Variants in NRXN2 observed in about 807,000 individuals in gnomAD.
NRXN2 encodes the protein neurexin-2-beta.
In NRXN2, 29 loss-of-function variants were observed where a neutral mutation model predicts 128.8. The ratio of observed to expected loss-of-function variants is 0.23; its 90% CI spans 0.17 to 0.31. NRXN2 has a LOEUF of 0.31. Ranked by LOEUF, NRXN2 falls within the 10% of genes least tolerant of loss-of-function variation. The pLI, the probability that NRXN2 is intolerant of heterozygous loss-of-function variation, is 1.00. For missense variants in NRXN2, 1,881 were observed against 2,452.6 expected, an observed-to-expected ratio of 0.77 and a Z score of 4.92; for synonymous variants, 1,098 against 1,075.2, an observed-to-expected ratio of 1.02 and a Z score of -0.41.
intron 19 of NRXN2, among the ~76,000 whole-genome samples, chr11:64,629,692 G>C (rs953465121): frequency 2.6e-5 from 4 of 152,184 alleles, no homozygotes; most frequent in Non-Finnish European, 4.4e-5. Flanking sequence ...TGCAAGCAGG[G>C]ACTGAGTGCC....
intron 6 of NRXN2, among the ~76,000 whole-genome samples, chr11:64,680,287 C>A (rs1592065592): frequency 6.6e-6 from 1 of 152,160 alleles, no homozygotes; most frequent in African/African-American, 2.4e-5. Flanking sequence ...GGGGTGAAGA[C>A]AATCTGTGGA....
At chr11:64,677,501 C>T (rs1005378195) in intron 6 of NRXN2, among the ~76,000 whole-genome samples, 2 of 152,166 alleles carry the variant, frequency 1.3e-5, no homozygotes, top group African/African-American at 4.8e-5. Context: ...AAGGTTAGTT[C>T]GGTTTTTCAC....
intron 22 of NRXN2, among the ~76,000 whole-genome samples, chr11:64,618,698 G>T (rs1176151399): frequency 6.6e-6 from 1 of 152,148 alleles, no homozygotes; most frequent in Non-Finnish European, 1.5e-5. Flanking sequence ...ATCGCCCCAG[G>T]GGAAGAAGTA....
intron 22 of NRXN2, among the ~76,000 whole-genome samples, chr11:64,613,327 T>C (rs2040965594): frequency 1.3e-5 from 2 of 152,234 alleles, no homozygotes; most frequent in Admixed American, 6.5e-5. Flanking sequence ...CACATGTCCA[T>C]ATGTGAACAT....
At chr11:64,678,865 A>C (rs1486760765) in intron 6 of NRXN2, among the ~76,000 whole-genome samples, 1 of 152,206 alleles carries the variant, frequency 6.6e-6, no homozygotes, top group Non-Finnish European at 1.5e-5. Context: ...ACCAGTGGGC[A>C]CAGGACTAAT....
intron 7 of NRXN2, among the ~76,000 whole-genome samples, chr11:64,673,233 G>C (rs551441664): frequency 6.6e-6 from 1 of 152,186 alleles, no homozygotes; most frequent in Non-Finnish European, 1.5e-5. Context: ...AAGAGTCCCA[G>C]TGTGTGTACA....
intron 7 of NRXN2, among the ~76,000 whole-genome samples, chr11:64,670,394 C>T (rs1375642111): frequency 3.3e-5 from 5 of 152,022 alleles, no homozygotes; most frequent in African/African-American, 7.3e-5. Flanking sequence ...AACATGCAAA[C>T]GAGATTAGAC....
At position 64,661,040 on chromosome 11, in the gene NRXN2, T is replaced by G; in HGVS notation, c.1898A>C (p.Glu633Ala). Residue 633 changes from glutamate to alanine, a missense_variant, in exon 10 of 23, where the codon GAG becomes GCG. Transcript: ENST00000265459. Reference sequence around the variant, plus strand: ...CAGGGGCAGGTCCACCCGGCCCCCCTCAGGGAGACCGCCCAGGTACAGCTC... The same window carrying G: ...CAGGGGCAGGTCCACCCGGCCCCCCGCAGGGAGACCGCCCAGGTACAGCTC... ...ESELYLGGLPEGGRVDLPLPP... is the reference protein window; with the variant it reads ...ESELYLGGLPAGGRVDLPLPP... 6.2e-7 allele frequency: 1 copy of G among 1,613,404 alleles called. No individual in the cohort carries two copies. The highest frequency in any genetic ancestry group is 8.5e-7 in the Non-Finnish European group (1 of 1,179,982).
chr11:64,699,048 T>C (rs1190230954), intron 2 of NRXN2, among the ~76,000 whole-genome samples: 1 of 152,188 alleles, frequency 6.6e-6, no homozygotes, highest in African/African-American at 2.4e-5. Context: ...CATTATCTCC[T>C]CCTACCTCCA....
chr11:64,712,033 C>T (rs2056950078), intron 2 of NRXN2, among the ~76,000 whole-genome samples: 1 of 152,212 alleles, frequency 6.6e-6, no homozygotes, highest in Admixed American at 6.5e-5. Context: ...CCGCACTTCC[C>T]GCCCTTGGCT....
At position 64,607,621 on chromosome 11, in the gene NRXN2, G is replaced by A; in HGVS notation, c.4714C>T (p.Gln1572Ter). 6.5e-7 allele frequency: 1 copy of A among 1,536,642 alleles called. No individual in the cohort carries two copies. Among genetic ancestry groups the A allele is most frequent in the Non-Finnish European group, 8.7e-7 (1 of 1,143,752 alleles). Reference protein sequence around the residue: ...AGKMNHRDPLQPLLENPPLGP... With the variant: ...AGKMNHRDPL Reference sequence around the variant, plus strand: ...AAGGGCGGGTTCTCCAGCAAGGGCTGAAGCGGGTCTCGGTGGTTCATTTTG... The same window carrying A: ...AAGGGCGGGTTCTCCAGCAAGGGCTAAAGCGGGTCTCGGTGGTTCATTTTG... The change falls in exon 23 of 23, where the codon CAG becomes TAG. Residue 1572 changes from glutamine (Q) to a stop codon, truncating the protein, a stop_gained. Transcript: ENST00000265459. LOFTEE classifies it high-confidence loss of function.
chr11:64,688,404 A>G, intron 5 of NRXN2: 10 of 985,458 alleles, frequency 1.0e-5, no homozygotes, highest in Non-Finnish European at 1.2e-5. Flanking sequence ...GTGTGGAAAG[A>G]AAACCCGAAG....
chr11:64,685,965 G>A lies in NRXN2; in HGVS notation c.851-18C>T, dbSNP rs1477837705. 6.2e-7 allele frequency: 1 copy of A among 1,614,060 alleles called. No individual in the cohort carries two copies. Among genetic ancestry groups the A allele is most frequent in the East Asian group, 2.2e-5 (1 of 44,874 alleles). On this transcript the variant is annotated intron_variant, in intron 5 of 22. Coordinates refer to ENST00000265459, the MANE Select transcript of NRXN2 (RefSeq NM_015080.4). ...CTCCTTGCCTGGATGCCGTGGTGTGGGGAAACGGGAGAAGGCTGAATGGGG... is the reference window on the plus strand; with the variant it reads ...CTCCTTGCCTGGATGCCGTGGTGTGAGGAAACGGGAGAAGGCTGAATGGGG...
At position 64,648,797 on chromosome 11, in the gene NRXN2, G is replaced by T; in HGVS notation, c.3220C>A (p.Arg1074Ser). The change falls in exon 16 of 23, where the codon CGT (arginine) becomes AGT (serine). Residue 1074 changes from arginine to serine, a missense_variant. By Grantham distance (110) the Arg-to-Ser change is moderately radical (BLOSUM62 -1). Coordinates refer to ENST00000265459, the MANE Select transcript of NRXN2 (RefSeq NM_015080.4). The surrounding 1 kb of genome is among the most constrained non-coding windows in gnomAD (Gnocchi z 4.1). ...GCGTCGGCGATGAGGTCTGGGAGAC[G>T]TCCGTTGAGGTCCACTGAGGCCAGG... The part of the protein sequence containing the change: ...GCLASVDLNG[R>S]LPDLIADALH... 1 of 1,614,184 alleles carries T rather than the reference G, an allele frequency of 6.2e-7. No individual in the cohort carries two copies. The highest frequency in any genetic ancestry group is 8.5e-7 in the Non-Finnish European group (1 of 1,180,010).
In NRXN2 at chr11:64,655,179, G is replaced by A. The variant is rs546274355; in HGVS notation, c.2390-1457C>T. The stretch of plus-strand genomic sequence containing the variant: ...ATGCCCCTGTGGCTTTGAGGGCCAC[G>A]GCCCTTCGGCAGTACAGCTGAGCTC... On this transcript the variant is annotated intron_variant, in intron 11 of 22. Transcript: ENST00000265459. 5.9e-5 allele frequency among the ~76,000 whole-genome samples: 9 copies of A among 152,284 alleles called. No individual in the cohort carries two copies. The East Asian group carries it at 1.7e-3, about 29-fold the overall frequency.
At chr11:64,704,741 A>G (rs1406816055) in intron 2 of NRXN2, among the ~76,000 whole-genome samples, 1 of 152,008 alleles carries the variant, frequency 6.6e-6, no homozygotes, top group Admixed American at 6.6e-5. Flanking sequence ...TAATATAAGA[A>G]TTCAGAAGTA....
In NRXN2 at chr11:64,717,128, G is replaced by A. The variant is rs527637872; in HGVS notation, c.-244-3185C>T. 1.4e-4 allele frequency among the ~76,000 whole-genome samples: 21 copies of A among 152,270 alleles called. 2 individuals are homozygous for A. Among genetic ancestry groups the A allele is most frequent in the East Asian group, 1.4e-3 (7 of 5,172 alleles). On this transcript the variant is annotated intron_variant, in intron 1 of 22. Coordinates refer to ENST00000265459, the MANE Select transcript of NRXN2 (RefSeq NM_015080.4). ...TAATTGCCTCACACGACCACATCAA[G>A]TAAACGGTGTCCCCTGGAGTTGTAC...
chr11:64,670,308 T>C (rs981015859), intron 7 of NRXN2, among the ~76,000 whole-genome samples: 5 of 152,014 alleles, frequency 3.3e-5, no homozygotes, highest in African/African-American at 1.2e-4. Flanking sequence ...TTATTTCTTC[T>C]TCCCTCCACC....
At chr11:64,682,407 T>A (rs1818290305) in intron 6 of NRXN2, among the ~76,000 whole-genome samples, 1 of 150,392 alleles carries the variant, frequency 6.6e-6, no homozygotes, top group Non-Finnish European at 1.5e-5. Context: ...GGGGACTCCA[T>A]CCCTAGGAGA....
Sources: gnomAD v4.1 joint callset for allele counts (sites outside exome capture counted in the v4.1 genomes callset) on GRCh38, gnomAD v4.1.1 for gene constraint, Gnocchi (gnomAD v3.1) non-coding constraint, MANE v1.5 for transcripts, NCBI Gene and HGNC (gene_info 2026-07-23, HGNC 2026-07-21) for gene names.